The following METTL15 variants were observed in gnomAD, a reference collection of about 807,000 sequenced individuals.
METTL15 encodes 12S rRNA N(4)-cytidine methyltransferase METTL15.
A neutral mutation model predicts 38.3 loss-of-function variants in METTL15; 34 were observed. The ratio of observed to expected loss-of-function variants is 0.89; its 90% CI spans 0.68 to 1.18. METTL15 has a LOEUF of 1.18. Ranked by LOEUF, METTL15 falls within the 50% of genes most tolerant of loss-of-function variation. The pLI is 0.00. For synonymous variants in METTL15, 162 were observed against 170.9 expected, an observed-to-expected ratio of 0.95 and a Z score of 0.41; for missense variants, 438 against 498.4, an observed-to-expected ratio of 0.88 and a Z score of 1.15.
At chr11:28,246,882 C>A (rs1854537169) in intron 4 of METTL15, among the ~76,000 whole-genome samples, 1 of 152,042 alleles carries the variant, frequency 6.6e-6, no homozygotes, top group South Asian at 2.1e-4. Flanking sequence ...GACTGAGGAA[C>A]TAAATTCTAA....
intron 6 of METTL15, among the ~76,000 whole-genome samples, chr11:28,482,756 TA>T (rs751411246): frequency 1.3e-5 from 2 of 152,182 alleles, no homozygotes; most frequent in Non-Finnish European, 2.9e-5. Flanking sequence ...TTCTTGGGCC[TA>T]CCTACGGAGT....
chr11:28,288,176 G>A (rs765097028), intron 4 of METTL15, among the ~76,000 whole-genome samples: 1 of 152,082 alleles, frequency 6.6e-6, no homozygotes, highest in Non-Finnish European at 1.5e-5. Context: ...AGATGCTGGC[G>A]AGGTTGCAGA....
chr11:28,498,799 G>A (rs17574853), intron 6 of METTL15, among the ~76,000 whole-genome samples: 62,024 of 152,096 alleles, frequency 0.41, 14,346 homozygotes, highest in Admixed American at 0.52. Flanking sequence ...AAGGACACTC[G>A]TTAATACCTA....
intron 3 of METTL15, among the ~76,000 whole-genome samples, chr11:28,134,093 T>C (rs1849434096): frequency 6.6e-6 from 1 of 152,166 alleles, no homozygotes; most frequent in South Asian, 2.1e-4. Context: ...CGGAACAACA[T>C]GTGAACTGGC....
At chr11:28,386,227 T>C (rs1290355197) in intron 5 of METTL15, among the ~76,000 whole-genome samples, 2 of 151,548 alleles carry the variant, frequency 1.3e-5, no homozygotes, top group East Asian at 1.9e-4. Context: ...AAAAAAACAG[T>C]TTAAAATGGC....
chr11:28,361,394 A>G (rs1284816817), intron 4 of METTL15, among the ~76,000 whole-genome samples: 1 of 152,106 alleles, frequency 6.6e-6, no homozygotes, highest in Admixed American at 6.6e-5. Context: ...TTTGATTTGC[A>G]TTTCTCTGAT....
At chr11:28,203,146 A>C (rs1253911916) in intron 3 of METTL15, among the ~76,000 whole-genome samples, 1 of 152,074 alleles carries the variant, frequency 6.6e-6, no homozygotes, top group Non-Finnish European at 1.5e-5. Context: ...CAGTATGTAC[A>C]ATAAAGGAAT....
chr11:28,326,823 T>TG (rs1393393303), intron 6 of METTL15, among the ~76,000 whole-genome samples: 1 of 152,070 alleles, frequency 6.6e-6, no homozygotes, highest in East Asian at 1.9e-4. Context: ...TTTCACCATG[T>TG]TGCCCAGGTT....
chr11:28,255,641 A>G (rs556234792), intron 4 of METTL15, among the ~76,000 whole-genome samples: 1 of 152,166 alleles, frequency 6.6e-6, no homozygotes, highest in African/African-American at 2.4e-5. Context: ...AGTTTTTTAA[A>G]GAGTTTTTAT....
At chr11:28,141,226 A>C (rs1369128960) in intron 3 of METTL15, among the ~76,000 whole-genome samples, 1 of 152,176 alleles carries the variant, frequency 6.6e-6, no homozygotes, top group African/African-American at 2.4e-5. Context: ...GGTATTGTCC[A>C]AACTGTCTTC....
chr11:28,312,657 A>G (rs951948471), intron 6 of METTL15, among the ~76,000 whole-genome samples: 1 of 152,182 alleles, frequency 6.6e-6, no homozygotes, highest in African/African-American at 2.4e-5. Context: ...TATTTGGTTC[A>G]TGGTTCTGGA....
At chr11:28,375,318 C>T (rs984225886) in intron 5 of METTL15, among the ~76,000 whole-genome samples, 4 of 150,684 alleles carry the variant, frequency 2.7e-5, no homozygotes, top group African/African-American at 9.8e-5. Context: ...GGTTGGTAAG[C>T]TATTGATTAT....
chr11:28,440,087 G>A (rs1169572180), intron 6 of METTL15, among the ~76,000 whole-genome samples: 2 of 152,248 alleles, frequency 1.3e-5, no homozygotes, highest in South Asian at 2.1e-4. Flanking sequence ...GAGGGAGTAC[G>A]GCTGTGTTGG....
chr11:28,383,431 G>A (rs1850409386), intron 5 of METTL15, among the ~76,000 whole-genome samples: 1 of 152,152 alleles, frequency 6.6e-6, no homozygotes, highest in Non-Finnish European at 1.5e-5. Context: ...AAACATATAT[G>A]TGTTTGTGTC....
downstream of METTL15, among the ~76,000 whole-genome samples, chr11:28,336,901 C>T (rs1398371749): frequency 1.3e-5 from 2 of 151,850 alleles, no homozygotes; most frequent in African/African-American, 2.4e-5. Context: ...GGAGGTATTC[C>T]AGAAGAAGGC....
chr11:28,118,150 T>C (rs893423262), intron 3 of METTL15, among the ~76,000 whole-genome samples: 1 of 152,112 alleles, frequency 6.6e-6, no homozygotes, highest in African/African-American at 2.4e-5. Context: ...CTTTAAAAAA[T>C]ATCTGAATGT....
At chr11:28,509,112 A>G (rs1002654059) in intron 6 of METTL15, among the ~76,000 whole-genome samples, 2 of 152,182 alleles carry the variant, frequency 1.3e-5, no homozygotes, top group African/African-American at 2.4e-5. Flanking sequence ...TGCAATTTCT[A>G]TGCTTTCTTG....
intron 4 of METTL15, among the ~76,000 whole-genome samples, chr11:28,234,928 TA>T (rs1198645679): frequency 6.7e-6 from 1 of 150,258 alleles, no homozygotes. Flanking sequence ...CTAGGGTTTT[TA>T]TGGTTTTAGG....
At chr11:28,386,140 G>T (rs768093241) in intron 5 of METTL15, among the ~76,000 whole-genome samples, 1 of 151,854 alleles carries the variant, frequency 6.6e-6, no homozygotes, top group South Asian at 2.1e-4. Flanking sequence ...AAGAAATCAA[G>T]CATGTCACTA....
Sources: gnomAD v4.1 joint callset for allele counts (sites outside exome capture counted in the v4.1 genomes callset) on GRCh38, gnomAD v4.1.1 for gene constraint, MANE v1.5 for transcripts, NCBI Gene and HGNC (gene_info 2026-07-23, HGNC 2026-07-21) for gene names.